SLC26A7: variants seen among roughly 807,000 people sequenced by gnomAD.
The protein encoded by SLC26A7 is solute carrier family 26 member 7.
SLC26A7 carries 59 observed loss-of-function variants against 82.5 expected under a neutral mutation model. The ratio of observed to expected loss-of-function variants is 0.72; its 90% CI spans 0.58 to 0.89. SLC26A7 has a LOEUF of 0.89. Among genes scored for constraint, SLC26A7 ranks in the 40% least tolerant of loss-of-function variants. The pLI, the probability that SLC26A7 is intolerant of heterozygous loss-of-function variation, is 0.00. For missense variants in SLC26A7, 820 were observed against 793.0 expected (o/e 1.03, Z -0.41); for synonymous variants, 271 against 274.3 (o/e 0.99, Z 0.12).
At chr8:91,373,537 A>G (rs1814424644) in intron 15 of SLC26A7, among the ~76,000 whole-genome samples, 1 of 151,980 alleles carries the variant, frequency 6.6e-6, no homozygotes, top group South Asian at 2.1e-4. Flanking sequence ...ATTGATTTAT[A>G]AATGTTGAAC....
intron 11 of SLC26A7, among the ~76,000 whole-genome samples, chr8:91,355,203 C>A (rs562237122): frequency 6.6e-6 from 1 of 152,146 alleles, no homozygotes; most frequent in South Asian, 2.1e-4. Flanking sequence ...AATGGATGCT[C>A]AATGAAGTTT....
chr8:91,389,811 CAGG>C (rs1292995726), intron 16 of SLC26A7, among the ~76,000 whole-genome samples: 1 of 152,176 alleles, frequency 6.6e-6, no homozygotes, highest in Non-Finnish European at 1.5e-5. Context: ...TTGATGATGG[CAGG>C]AGGTTTTCTC....
intron 5 of SLC26A7, among the ~76,000 whole-genome samples, chr8:91,328,030 A>T (rs1183061305): frequency 6.6e-6 from 1 of 152,150 alleles, no homozygotes; most frequent in Non-Finnish European, 1.5e-5. Flanking sequence ...CAGAATGCAG[A>T]GGAAAGTAAT....
intron 15 of SLC26A7, among the ~76,000 whole-genome samples, chr8:91,384,107 T>C (rs1442441904): frequency 6.6e-6 from 1 of 152,206 alleles, no homozygotes; most frequent in East Asian, 1.9e-4. Flanking sequence ...ACGGATTTGT[T>C]ATTTTACAGT....
chr8:91,221,496 A>C (rs1478491734), intron 2 of SLC26A7, among the ~76,000 whole-genome samples: 2 of 152,084 alleles, frequency 1.3e-5, no homozygotes, highest in African/African-American at 2.4e-5. Flanking sequence ...TGGGGTTTTT[A>C]TGGTTTTAAG....
chr8:91,322,497 A>G (rs1268123436), intron 5 of SLC26A7, among the ~76,000 whole-genome samples: 1 of 152,156 alleles, frequency 6.6e-6, no homozygotes, highest in African/African-American at 2.4e-5. Flanking sequence ...TAAGAAGAAA[A>G]AGTTTAATTC....
chr8:91,392,673 A>G (rs982630341), intron 16 of SLC26A7, among the ~76,000 whole-genome samples: 3 of 152,148 alleles, frequency 2.0e-5, no homozygotes, highest in Admixed American at 6.5e-5. Context: ...TAGTTGCTTT[A>G]GCATAAGAAA....
chr8:91,354,466 A>G (rs1813806339), intron 11 of SLC26A7, among the ~76,000 whole-genome samples: 1 of 152,078 alleles, frequency 6.6e-6, no homozygotes, highest in Non-Finnish European at 1.5e-5. Context: ...AAAGTTAAGA[A>G]TGGGTTGGAT....
intron 2 of SLC26A7, among the ~76,000 whole-genome samples, chr8:91,264,398 G>C (rs528291911): frequency 6.6e-6 from 1 of 152,084 alleles, no homozygotes; most frequent in Non-Finnish European, 1.5e-5. Context: ...CTGGATAGAC[G>C]ATGGCCTTGC....
At chr8:91,336,607 A>T (rs7000829) in intron 6 of SLC26A7, among the ~76,000 whole-genome samples, 1 of 151,900 alleles carries the variant, frequency 6.6e-6, no homozygotes, top group Non-Finnish European at 1.5e-5. Context: ...CTAAAGCACT[A>T]GTCACACCTG....
At chr8:91,272,725 T>C (rs906484347) in intron 2 of SLC26A7, among the ~76,000 whole-genome samples, 1 of 152,202 alleles carries the variant, frequency 6.6e-6, no homozygotes, top group African/African-American at 2.4e-5. Context: ...AAAAGGCTTG[T>C]ATGACACAGA....
chr8:91,263,423 G>A (rs866107421), intron 2 of SLC26A7, among the ~76,000 whole-genome samples: 1 of 152,090 alleles, frequency 6.6e-6, no homozygotes. Flanking sequence ...AAACTGAATA[G>A]GGAATTTCAG....
chr8:91,259,208 A>T (rs1033454733), intron 2 of SLC26A7, among the ~76,000 whole-genome samples: 1 of 152,070 alleles, frequency 6.6e-6, no homozygotes, highest in Non-Finnish European at 1.5e-5. Context: ...TAGTCATCTA[A>T]TCACACAGGT....
At chr8:91,348,101 A>G (rs1481986446) in intron 9 of SLC26A7, among the ~76,000 whole-genome samples, 1 of 152,212 alleles carries the variant, frequency 6.6e-6, no homozygotes, top group Non-Finnish European at 1.5e-5. Context: ...AACAGCTGGC[A>G]TGTTTTTCTG....
At chr8:91,294,122 A>G (rs76392448) in intron 3 of SLC26A7, among the ~76,000 whole-genome samples, 3 of 152,222 alleles carry the variant, frequency 2.0e-5, no homozygotes, top group Non-Finnish European at 4.4e-5. Flanking sequence ...TTTATGTACC[A>G]CCAACTCTAT....
chr8:91,338,130 T>C lies in SLC26A7; in HGVS notation c.796-20T>C. 1 of 1,582,158 alleles carries C rather than the reference T, an allele frequency of 6.3e-7. No homozygotes were observed. Among genetic ancestry groups the C allele is most frequent in the East Asian group, 2.3e-5 (1 of 43,956 alleles). On this transcript the variant is annotated intron_variant, in intron 6 of 18. Transcript: ENST00000276609. ...TCAGTAATGTATATATTTTTTCTTTTTTCAAATGGAACCACACAGATTATT... is the reference window on the plus strand; with the variant it reads ...TCAGTAATGTATATATTTTTTCTTTCTTCAAATGGAACCACACAGATTATT...
At chr8:91,294,596 A>G (rs1176620966) in intron 3 of SLC26A7, among the ~76,000 whole-genome samples, 1 of 152,148 alleles carries the variant, frequency 6.6e-6, no homozygotes, top group Non-Finnish European at 1.5e-5. Context: ...TCTTCAAGTA[A>G]TGAGAGCAAA....
chr8:91,342,439 G>C (rs1197782168), intron 8 of SLC26A7, among the ~76,000 whole-genome samples: 1 of 152,180 alleles, frequency 6.6e-6, no homozygotes, highest in Admixed American at 6.5e-5. Context: ...CTGTTAAGGG[G>C]AATTTGCAAT....
intron 1 of SLC26A7, among the ~76,000 whole-genome samples, chr8:91,216,830 T>G (rs1445435969): frequency 6.6e-6 from 1 of 152,176 alleles, no homozygotes; most frequent in African/African-American, 2.4e-5. Flanking sequence ...GTATTGTTGA[T>G]ATCCCATGAT....
Sources: gnomAD v4.1 joint callset for allele counts (sites outside exome capture counted in the v4.1 genomes callset) on GRCh38, gnomAD v4.1.1 for gene constraint, MANE v1.5 for transcripts, NCBI Gene and HGNC (gene_info 2026-07-23, HGNC 2026-07-21) for gene names.